Variants in ANK2 observed in about 807,000 individuals in gnomAD.
ANK2 encodes ankyrin 2, also known as ankyrin-2.
Under a neutral mutation model 360.5 loss-of-function variants are expected in ANK2, and 83 were observed. The ratio of observed to expected loss-of-function variants is 0.23; its 90% CI spans 0.19 to 0.28. The LOEUF (loss-of-function observed/expected upper bound fraction) is 0.28, where lower values mean the gene tolerates loss of function less well. ANK2 is among the 10% of genes least tolerant of loss of function. ANK2 has a pLI of 1.00. For missense variants in ANK2, 4,201 were observed against 4,795.7 expected (o/e 0.88, Z 3.66); for synonymous variants, 1,740 against 1,759.5 (o/e 0.99, Z 0.28).
intron 1 of ANK2, among the ~76,000 whole-genome samples, chr4:113,065,456 C>G (rs1358565118): frequency 6.6e-6 from 1 of 152,170 alleles, no homozygotes; most frequent in African/African-American, 2.4e-5. Context: ...ACTTTTAGAG[C>G]TGAAAGCTTG....
At chr4:113,123,272 A>G (rs1002969898) in intron 1 of ANK2, among the ~76,000 whole-genome samples, 4 of 151,990 alleles carry the variant, frequency 2.6e-5, no homozygotes, top group Non-Finnish European at 5.9e-5. Context: ...CCCCTTATTC[A>G]CCAATTGATT....
chr4:113,286,747 T>C (rs914480267), intron 18 of ANK2, among the ~76,000 whole-genome samples: 5 of 152,230 alleles, frequency 3.3e-5, no homozygotes, highest in Middle Eastern at 3.4e-3. Context: ...GAGAGAAATA[T>C]ACAGTATAAA....
Position 113,116,904 on chromosome 4 carries a change from T to C in ANK2, c.85-57512T>C, listed in dbSNP as rs1362719732. 5 of 231,714 alleles carry C rather than the reference T, an allele frequency of 2.2e-5. No individual in the cohort carries two copies. In the East Asian group the frequency reaches 5.1e-4, roughly 24 times the overall value. The allele number at this position is 231,714 out of a possible 1,614,324, so 14.4% of individuals were successfully genotyped here. On this transcript the variant is annotated intron_variant, in intron 1 of 45. Transcript: ENST00000357077. ...ACTGTTCCAATTGGTGATGTGTGTC[T>C]AAGGATGGCTTTTTCAACTAGTAGG...
intron 2 of ANK2, among the ~76,000 whole-genome samples, chr4:113,009,309 A>G (rs2053956480): frequency 6.6e-6 from 1 of 152,162 alleles, no homozygotes. Context: ...AAAGTTTTGA[A>G]AACTGTTTTA....
At chr4:112,863,812 G>A (rs1011719401) in intron 1 of ANK2, among the ~76,000 whole-genome samples, 6 of 152,032 alleles carry the variant, frequency 3.9e-5, no homozygotes, top group South Asian at 4.1e-4. Flanking sequence ...GTGAGCCACC[G>A]CGCCCGGCCT....
intron 2 of ANK2, among the ~76,000 whole-genome samples, chr4:113,002,294 A>G (rs1342788033): frequency 1.3e-5 from 2 of 152,194 alleles, no homozygotes; most frequent in South Asian, 2.1e-4. Flanking sequence ...TCACAATAGC[A>G]AAGACTTGGA....
intron 1 of ANK2, among the ~76,000 whole-genome samples, chr4:112,843,691 C>CT (rs961772733): frequency 2.6e-5 from 4 of 151,948 alleles, no homozygotes; most frequent in African/African-American, 9.7e-5. Flanking sequence ...CTTTTTCTCT[C>CT]TTTTTTAGAA....
At chr4:112,720,563 G>A in the ANK2 span, among the ~76,000 whole-genome samples, 18 of 152,190 alleles carry the variant, frequency 1.2e-4, no homozygotes, top group Admixed American at 3.9e-4. Flanking sequence ...ACTTCCTAAT[G>A]GAATCAGTTA....
At chr4:112,955,897 C>A (rs779284199) in intron 2 of ANK2, among the ~76,000 whole-genome samples, 1 of 152,118 alleles carries the variant, frequency 6.6e-6, no homozygotes, top group Non-Finnish European at 1.5e-5. Context: ...TTATTTAATG[C>A]GTGCTTATCA....
chr4:113,010,205 G>A (rs1046326069), intron 2 of ANK2, among the ~76,000 whole-genome samples: 8 of 152,114 alleles, frequency 5.3e-5, no homozygotes, highest in East Asian at 1.9e-4. Context: ...TAAGTACTCT[G>A]AGAGAAGTGT....
At position 113,255,843 on chromosome 4, in the gene ANK2, A is replaced by G; in HGVS notation, c.1099A>G (p.Thr367Ala). ...TGATGATGTCACCCTAGACTACCTG[A>G]CAGCCCTCCACGTTGCTGCGCACTG... is the stretch of plus-strand genomic sequence containing the variant. ...PVDDVTLDYL[T>A]ALHVAAHCGH... The change falls in exon 11 of 46, where the codon ACA becomes GCA. Residue 367 changes from threonine (T) to alanine (A), a missense_variant. Physicochemically the swap from Thr to Ala is moderately conservative, Grantham distance 58 (BLOSUM62 0). Coordinates refer to ENST00000357077, the MANE Select transcript of ANK2 (RefSeq NM_001148.6). 1 of 1,614,232 alleles carries G rather than the reference A, an allele frequency of 6.2e-7. No homozygotes were observed. Among genetic ancestry groups the G allele is most frequent in the Non-Finnish European group, 8.5e-7 (1 of 1,180,038 alleles).
intron 4 of ANK2, among the ~76,000 whole-genome samples, chr4:113,210,473 A>G (rs2099008826): frequency 6.6e-6 from 1 of 152,224 alleles, no homozygotes; most frequent in Non-Finnish European, 1.5e-5. Context: ...AATCAAGTCC[A>G]GTGATATCAG....
At chr4:113,264,669 C>T (rs1433344496) in intron 13 of ANK2, among the ~76,000 whole-genome samples, 3 of 151,368 alleles carry the variant, frequency 2.0e-5, no homozygotes, top group East Asian at 1.9e-4. Context: ...TTGTGGTGAG[C>T]CGAGATGTTG....
intron 1 of ANK2, among the ~76,000 whole-genome samples, chr4:112,865,129 A>G (rs2069989792): frequency 6.9e-6 from 1 of 144,274 alleles, no homozygotes; most frequent in South Asian, 2.4e-4. Flanking sequence ...CATGTGGATT[A>G]TGTGTACTCT....
intron 2 of ANK2, among the ~76,000 whole-genome samples, chr4:112,942,201 T>G (rs943133677): frequency 5.9e-5 from 9 of 152,064 alleles, no homozygotes; most frequent in African/African-American, 2.2e-4. Context: ...ATCATTCTCC[T>G]TTGCAGCACA....
chr4:113,099,280 C>T (rs74440440), intron 1 of ANK2, among the ~76,000 whole-genome samples: 6 of 151,546 alleles, frequency 4.0e-5, no homozygotes. Flanking sequence ...ATAACAAAGA[C>T]CTCTTGGAAC....
At chr4:112,974,750 C>A (rs1350316289) in intron 2 of ANK2, among the ~76,000 whole-genome samples, 2 of 151,834 alleles carry the variant, frequency 1.3e-5, no homozygotes, top group African/African-American at 4.8e-5. Context: ...AGCTAGTTTT[C>A]TGTAGAGAAC....
In ANK2 at chr4:113,191,902, C is replaced by G. The variant is rs77611046; in HGVS notation, c.187-4466C>G. Among the ~76,000 whole-genome samples the G allele has an allele frequency of 2.6e-3, 394 of 152,276 alleles. 2 individuals carry two copies. The highest frequency in any genetic ancestry group is 8.9e-3 in the African/African-American group (368 of 41,564). On this transcript the variant is annotated intron_variant, in intron 2 of 45. Transcript: ENST00000357077. The stretch of plus-strand genomic sequence containing the variant: ...CGTGTTCTTCACTCTGCCACCGTCC[C>G]TCTCAGAACCCCAAATGTGGACACG...
intron 2 of ANK2, chr4:113,034,870 T>C (rs1010224156): frequency 1.3e-5 from 2 of 151,970 alleles, no homozygotes; most frequent in African/African-American, 4.8e-5. Flanking sequence ...TTAGATGTAA[T>C]TGAAATAATA....
Sources: gnomAD v4.1 joint callset for allele counts (sites outside exome capture counted in the v4.1 genomes callset) on GRCh38, gnomAD v4.1.1 for gene constraint, MANE v1.5 for transcripts, NCBI Gene and HGNC (gene_info 2026-07-23, HGNC 2026-07-21) for gene names.